The following ADISSP variants were observed in gnomAD, a reference collection of about 807,000 sequenced individuals.
ADISSP encodes adipose-secreted signaling protein.
At chr20:3,754,035 C>A in the ADISSP span, 7 of 1,578,148 alleles carry the variant, frequency 4.4e-6, no homozygotes, top group Non-Finnish European at 5.2e-6. Flanking sequence ...CTGAGGGGCC[C>A]GGGGCAGGCG....
the ADISSP span, chr20:3,754,531 C>G: frequency 6.2e-7 from 1 of 1,604,826 alleles, no homozygotes; most frequent in Non-Finnish European, 8.5e-7. Flanking sequence ...TGCCCGGGGA[C>G]AGGGGCAATT....
At chr20:3,755,943 A>T in the ADISSP span, among the ~76,000 whole-genome samples, 1 of 152,196 alleles carries the variant, frequency 6.6e-6, no homozygotes, top group Admixed American at 6.5e-5. Context: ...GCCAGGGTCA[A>T]GTCCTCCCTA....
the ADISSP span, among the ~76,000 whole-genome samples, chr20:3,762,554 G>C: frequency 3.9e-5 from 6 of 152,150 alleles, no homozygotes; most frequent in Admixed American, 1.3e-4. Context: ...TAGAGACAGA[G>C]TTGCCCAGGC....
the ADISSP span, among the ~76,000 whole-genome samples, chr20:3,764,667 C>G: frequency 2.0e-5 from 3 of 152,348 alleles, no homozygotes; most frequent in East Asian, 5.8e-4. Context: ...TTGTCAAACC[C>G]TGTGTCCCCG....
At chr20:3,763,622 C>T in the ADISSP span, among the ~76,000 whole-genome samples, 1 of 150,538 alleles carries the variant, frequency 6.6e-6, no homozygotes, top group East Asian at 2.0e-4. Context: ...TATGAGGTAA[C>T]ACTAAGAAAT....
the ADISSP span, chr20:3,758,450 G>A: frequency 7.9e-5 from 103 of 1,311,160 alleles, no homozygotes; most frequent in Non-Finnish European, 9.6e-5. This position sits in a 1 kb window ranked among gnomAD's most constrained non-coding sequence, Gnocchi z 5.5. Context: ...CTATAAGCCC[G>A]GCTGAGAGGA....
At chr20:3,766,645 A>G in the ADISSP span, among the ~76,000 whole-genome samples, 1 of 152,318 alleles carries the variant, frequency 6.6e-6, no homozygotes, top group East Asian at 1.9e-4. Flanking sequence ...AGCAGAGGCC[A>G]GGCTGGATCC....
the ADISSP span, among the ~76,000 whole-genome samples, chr20:3,757,617 G>A: frequency 1.3e-5 from 2 of 151,928 alleles, no homozygotes; most frequent in Non-Finnish European, 2.9e-5. Flanking sequence ...TACAAACCTG[G>A]GCCCCCCAGG....
chr20:3,756,049 C>A, the ADISSP span, among the ~76,000 whole-genome samples: 1 of 152,198 alleles, frequency 6.6e-6, no homozygotes, highest in Non-Finnish European at 1.5e-5. Flanking sequence ...ATTCACCTGT[C>A]CCCATCACTG....
the ADISSP span, chr20:3,758,411 C>G: frequency 4.9e-6 from 4 of 811,486 alleles, no homozygotes; most frequent in Non-Finnish European, 7.9e-6. The surrounding 1 kb of genome is among the most constrained non-coding windows in gnomAD (Gnocchi z 5.5). Context: ...GATGGGGCAA[C>G]CAAGGCACAG....
chr20:3,768,103 TCCC>T, the ADISSP span: 1 of 152,172 alleles, frequency 6.6e-6, no homozygotes, highest in Non-Finnish European at 1.5e-5. Flanking sequence ...AGGACGCACC[TCCC>T]TTGGGCCCTT....
At chr20:3,758,846 C>T in the ADISSP span, among the ~76,000 whole-genome samples, 4 of 152,312 alleles carry the variant, frequency 2.6e-5, no homozygotes, top group East Asian at 5.8e-4. This position sits in a 1 kb window ranked among gnomAD's most constrained non-coding sequence, Gnocchi z 5.5. Flanking sequence ...GAGGCCTCCC[C>T]GCCGGCCCCG....
At chr20:3,757,447 C>T in the ADISSP span, among the ~76,000 whole-genome samples, 4 of 152,076 alleles carry the variant, frequency 2.6e-5, no homozygotes, top group Non-Finnish European at 5.9e-5. Context: ...TTCATATTTT[C>T]TCTGTCTTCC....
chr20:3,754,076 G>T, the ADISSP span: 1 of 1,613,156 alleles, frequency 6.2e-7, no homozygotes, highest in East Asian at 2.2e-5. Flanking sequence ...AGCCGTGCCA[G>T]TCGCTGTGCT....
chr20:3,759,949 A>G, the ADISSP span: 7 of 1,428,466 alleles, frequency 4.9e-6, no homozygotes, highest in Non-Finnish European at 5.8e-6. The surrounding 1 kb of genome is among the most constrained non-coding windows in gnomAD (Gnocchi z 4.6). Flanking sequence ...ACATTCGCAC[A>G]CCAGCACACA....
chr20:3,755,324 T>C, the ADISSP span: 1 of 703,658 alleles, frequency 1.4e-6, no homozygotes, highest in South Asian at 1.7e-5. Context: ...GTGTGGGACC[T>C]GCCATGCTGC....
chr20:3,758,353 T>C, the ADISSP span, among the ~76,000 whole-genome samples: 1 of 152,140 alleles, frequency 6.6e-6, no homozygotes, highest in Admixed American at 6.5e-5. The surrounding 1 kb of genome is among the most constrained non-coding windows in gnomAD (Gnocchi z 5.5). Flanking sequence ...CTGGATGACA[T>C]TCTAAATGCT....
the ADISSP span, among the ~76,000 whole-genome samples, chr20:3,766,384 T>G: frequency 6.8e-6 from 1 of 146,384 alleles, no homozygotes; most frequent in Non-Finnish European, 1.5e-5. Context: ...TCCTTCTCCC[T>G]CCAGTGGGCC....
chr20:3,765,608 G>C, the ADISSP span, among the ~76,000 whole-genome samples: 1 of 152,210 alleles, frequency 6.6e-6, no homozygotes, highest in African/African-American at 2.4e-5. Context: ...CACCGTCAGA[G>C]AGGCACTTCA....
Sources: allele counts gnomAD v4.1 joint callset (sites outside exome capture counted in the v4.1 genomes callset), GRCh38; gene constraint gnomAD v4.1.1; non-coding constraint Gnocchi (gnomAD v3.1); transcripts MANE v1.5; gene names NCBI Gene and HGNC (gene_info 2026-07-23, HGNC 2026-07-21).